ZNF385D: variants seen among roughly 807,000 people sequenced by gnomAD.
ZNF385D encodes the protein zinc finger protein 659.
Under a neutral mutation model 35.8 loss-of-function variants are expected in ZNF385D, and 15 were observed. The ratio of observed to expected loss-of-function variants is 0.42; its 90% CI spans 0.28 to 0.64. The LOEUF (loss-of-function observed/expected upper bound fraction) is 0.64, where lower values mean the gene tolerates loss of function less well. ZNF385D is among the 30% of genes least tolerant of loss of function. ZNF385D has a pLI of 0.23. For synonymous variants in ZNF385D, 212 were observed against 186.8 expected, an observed-to-expected ratio of 1.13 and a Z score of -1.10; for missense variants, 474 against 494.6, an observed-to-expected ratio of 0.96 and a Z score of 0.39.
At chr3:22,102,473 G>T (rs1247139523) in intron 3 of ZNF385D, among the ~76,000 whole-genome samples, 1 of 151,980 alleles carries the variant, frequency 6.6e-6, no homozygotes, top group Non-Finnish European at 1.5e-5. Context: ...CCTTCCCGCA[G>T]TACTGAGTTT....
intron 2 of ZNF385D, among the ~76,000 whole-genome samples, chr3:22,212,304 C>T (rs993416870): frequency 2.0e-5 from 3 of 151,974 alleles, no homozygotes; most frequent in Admixed American, 6.6e-5. Context: ...CACATAAAGA[C>T]AAAAACAACA....
chr3:21,805,983 A>AT (rs1447311310), intron 3 of ZNF385D, among the ~76,000 whole-genome samples: 8 of 152,152 alleles, frequency 5.3e-5, no homozygotes, highest in Non-Finnish European at 1.2e-4. Flanking sequence ...GGATACTGTA[A>AT]AAATACAATG....
intron 3 of ZNF385D, among the ~76,000 whole-genome samples, chr3:22,040,520 A>G (rs548835387): frequency 8.1e-4 from 123 of 152,312 alleles, no homozygotes; most frequent in Middle Eastern, 3.4e-3. Flanking sequence ...TAAAATGGGG[A>G]AAAATAAATT....
At chr3:21,496,475 C>T (rs9756811) in intron 4 of ZNF385D, among the ~76,000 whole-genome samples, 1,681 of 118,348 alleles carry the variant, frequency 0.014, 33 homozygotes, top group African/African-American at 0.046. Context: ...CATATATATA[C>T]ATATATACAC....
intron 3 of ZNF385D, among the ~76,000 whole-genome samples, chr3:21,938,079 A>G (rs1425992728): frequency 2.0e-5 from 3 of 152,208 alleles, no homozygotes; most frequent in Non-Finnish European, 4.4e-5. Context: ...ATTCAACCGA[A>G]CAGAATCCCA....
At chr3:22,364,561 C>T (rs57331237) in intron 2 of ZNF385D, among the ~76,000 whole-genome samples, 4,267 of 151,960 alleles carry the variant, frequency 0.028, 195 homozygotes, top group African/African-American at 0.098. Flanking sequence ...ACCACTTCAC[C>T]CCCATTAGGA....
At position 21,664,912 on chromosome 3, in the gene ZNF385D, C is replaced by A; in HGVS notation, c.139G>T (p.Val47Phe). ...GCATTGAAATTGGGGAAGAGGTTGACTGCAGCTGCAGTGTCAAGAGGAAAG... is the reference window on the plus strand; with the variant it reads ...GCATTGAAATTGGGGAAGAGGTTGAATGCAGCTGCAGTGTCAAGAGGAAAG... ...LPFPLDTAAA[V>F]NLFPNFNAMD... Residue 47 changes from valine (V) to phenylalanine (F), a missense_variant, in exon 2 of 8, where the codon GTC (valine) becomes TTC (phenylalanine). Val to Phe is a conservative substitution (Grantham distance 50). Transcript: ENST00000281523. The A allele has an allele frequency of 6.2e-7, 1 of 1,613,720 alleles. No individual in the cohort carries two copies. The highest frequency in any genetic ancestry group is 8.5e-7 in the Non-Finnish European group (1 of 1,179,734).
intron 3 of ZNF385D, among the ~76,000 whole-genome samples, chr3:22,092,926 C>T (rs1255859298): frequency 6.6e-6 from 1 of 151,984 alleles, no homozygotes; most frequent in Non-Finnish European, 1.5e-5. Context: ...CTTGAAATTA[C>T]TAAAGCAAAT....
At chr3:22,310,134 T>C (rs1397387779) in intron 2 of ZNF385D, among the ~76,000 whole-genome samples, 4 of 151,998 alleles carry the variant, frequency 2.6e-5, no homozygotes, top group Non-Finnish European at 4.4e-5. Context: ...ATTGTGATCA[T>C]TGACCAATTT....
At chr3:22,333,918 A>G (rs551178795) in intron 2 of ZNF385D, among the ~76,000 whole-genome samples, 2 of 152,178 alleles carry the variant, frequency 1.3e-5, no homozygotes, top group Admixed American at 6.5e-5. Flanking sequence ...ATTTATTGCT[A>G]TTTACTTTTC....
At chr3:21,882,692 A>G (rs1466976866) in intron 3 of ZNF385D, among the ~76,000 whole-genome samples, 2 of 152,116 alleles carry the variant, frequency 1.3e-5, no homozygotes, top group East Asian at 1.9e-4. Context: ...TTGAGAAGCA[A>G]TGCTCCCGAT....
intron 3 of ZNF385D, among the ~76,000 whole-genome samples, chr3:21,768,932 G>C (rs1362578817): frequency 6.6e-6 from 1 of 151,964 alleles, no homozygotes; most frequent in Non-Finnish European, 1.5e-5. Flanking sequence ...GGGAAATTTA[G>C]AAAGTTGACT....
At chr3:21,890,299 A>G (rs1698783120) in intron 3 of ZNF385D, among the ~76,000 whole-genome samples, 1 of 152,162 alleles carries the variant, frequency 6.6e-6, no homozygotes, top group South Asian at 2.1e-4. Context: ...GGAAAGAAAG[A>G]ATGATGGTAG....
intron 2 of ZNF385D, among the ~76,000 whole-genome samples, chr3:22,293,749 C>T (rs1352206152): frequency 6.6e-6 from 1 of 152,102 alleles, no homozygotes; most frequent in Non-Finnish European, 1.5e-5. Flanking sequence ...TCAACTTCAG[C>T]ATCAGCATCA....
chr3:22,137,573 C>T (rs533278853), intron 3 of ZNF385D, among the ~76,000 whole-genome samples: 6 of 151,890 alleles, frequency 4.0e-5, no homozygotes, highest in South Asian at 4.2e-4. Flanking sequence ...ACAAAAATCA[C>T]GATTATCTCA....
At chr3:21,737,458 G>GATAT (rs3073115) in intron 1 of ZNF385D, among the ~76,000 whole-genome samples, 775 of 149,100 alleles carry the variant, frequency 5.2e-3, no homozygotes, top group Non-Finnish European at 9.2e-3. Flanking sequence ...ACAAGAGGGG[G>GATAT]ATATATATAC....
chr3:21,712,410 C>A (rs978473553), intron 1 of ZNF385D, among the ~76,000 whole-genome samples: 5 of 152,198 alleles, frequency 3.3e-5, no homozygotes, highest in Non-Finnish European at 7.3e-5. Flanking sequence ...AACTCACGGT[C>A]TCTTCTCTTA....
chr3:22,199,768 A>G (rs1696658994), intron 2 of ZNF385D, among the ~76,000 whole-genome samples: 1 of 152,138 alleles, frequency 6.6e-6, no homozygotes, highest in Non-Finnish European at 1.5e-5. Context: ...TGTAAGGCCA[A>G]AAACTGAAGA....
chr3:22,020,048 T>C (rs1697130168), intron 3 of ZNF385D, among the ~76,000 whole-genome samples: 1 of 151,886 alleles, frequency 6.6e-6, no homozygotes, highest in South Asian at 2.1e-4. Flanking sequence ...ACTTTATTTT[T>C]AAACAAAATT....
Sources: gnomAD v4.1 joint callset for allele counts (sites outside exome capture counted in the v4.1 genomes callset) on GRCh38, gnomAD v4.1.1 for gene constraint, MANE v1.5 for transcripts, NCBI Gene and HGNC (gene_info 2026-07-23, HGNC 2026-07-21) for gene names.